The following TRAM2 variants were observed in gnomAD, a reference collection of about 807,000 sequenced individuals.
The protein encoded by TRAM2 is translocating chain-associated membrane protein 2.
In TRAM2, 12 loss-of-function variants were observed where a neutral mutation model predicts 51.0. That is an observed-to-expected ratio of 0.24 (90% CI 0.15 to 0.38). The LOEUF is 0.38. Ranked by LOEUF, TRAM2 falls within the 10% of genes least tolerant of loss-of-function variation. TRAM2 has a pLI of 1.00. For synonymous variants in TRAM2, 175 were observed against 179.4 expected, an observed-to-expected ratio of 0.98 and a Z score of 0.20; for missense variants, 361 against 462.0, an observed-to-expected ratio of 0.78 and a Z score of 2.00.
chr6:52,564,526 C>T (rs900357423), intron 1 of TRAM2, among the ~76,000 whole-genome samples: 3 of 152,132 alleles, frequency 2.0e-5, no homozygotes, highest in African/African-American at 7.2e-5. Context: ...CTGCCTGCCC[C>T]ATGCCCCTTG....
In TRAM2 at chr6:52,503,095, C is replaced by T. The variant is rs749707167; in HGVS notation, c.*102G>A. On this transcript the variant is annotated 3_prime_UTR_variant, in exon 11 of 11. Coordinates refer to ENST00000182527, the MANE Select transcript of TRAM2 (RefSeq NM_012288.4). ...CAAGACAGGTTTCGGCTGTTTGAGA[C>T]GGAGCATCACAGGCAGGAAGGAGGA... 18 of 994,146 alleles carry T rather than the reference C, an allele frequency of 1.8e-5. No individual in the cohort carries two copies. Among genetic ancestry groups the T allele is most frequent in the South Asian group, 3.9e-5 (3 of 77,404 alleles). The allele number at this position is 994,146 out of a possible 1,614,324, so 61.6% of individuals were successfully genotyped here. A position where few individuals can be genotyped will look rare whatever the true frequency, so the allele number is the denominator to read the frequency against.
At chr6:52,522,814 G>C in intron 2 of TRAM2, 1 of 676,564 alleles carries the variant, frequency 1.5e-6, no homozygotes. Flanking sequence ...CCCTTTTGGG[G>C]AGTCACATTC....
Position 52,499,427 on chromosome 6 carries a change from G to GA in TRAM2, c.*3769dup, listed in dbSNP as rs1335291591. ...TTCCCTACCTCTCACACCAGGCCTA[G>GA]AAAAACCAACTAGGAAGGCTGAAGC... On this transcript the variant is annotated 3_prime_UTR_variant, in exon 11 of 11. Coordinates refer to ENST00000182527, the MANE Select transcript of TRAM2 (RefSeq NM_012288.4). 1 of 152,160 alleles carries GA rather than the reference G, an allele frequency of 6.6e-6. No individual in the cohort carries two copies. The highest frequency in any genetic ancestry group is 6.5e-5 in the Admixed American group (1 of 15,278). 9.4% of individuals were successfully genotyped at this position (152,160 alleles called of 1,614,324 possible).
chr6:52,520,877 A>T (rs1766659169), intron 2 of TRAM2, among the ~76,000 whole-genome samples: 1 of 152,054 alleles, frequency 6.6e-6, no homozygotes, highest in South Asian at 2.1e-4. Flanking sequence ...CGCACAAATT[A>T]TCTCCATGGT....
At chr6:52,512,041 G>A (rs1766461398) in intron 4 of TRAM2, among the ~76,000 whole-genome samples, 1 of 152,136 alleles carries the variant, frequency 6.6e-6, no homozygotes, top group Non-Finnish European at 1.5e-5. Context: ...GCATACGCCT[G>A]CCTTCATCAG....
intron 1 of TRAM2, among the ~76,000 whole-genome samples, chr6:52,559,325 T>C (rs1767458676): frequency 6.6e-6 from 1 of 152,224 alleles, no homozygotes; most frequent in Non-Finnish European, 1.5e-5. Context: ...TTACTAGCTG[T>C]ATCATCTAGG....
At chr6:52,542,276 T>TTTA (rs1554265361) in intron 1 of TRAM2, among the ~76,000 whole-genome samples, 1 of 147,730 alleles carries the variant, frequency 6.8e-6, no homozygotes, top group African/African-American at 2.5e-5. Flanking sequence ...TTTTTTTTTT[T>TTTA]AAAAAAAATA....
intron 1 of TRAM2, among the ~76,000 whole-genome samples, chr6:52,560,988 A>C (rs1767488759): frequency 6.6e-6 from 1 of 152,200 alleles, no homozygotes; most frequent in African/African-American, 2.4e-5. Context: ...AAAGAGACAA[A>C]CGTCCATCAA....
chr6:52,545,612 C>G (rs772808881), intron 1 of TRAM2, among the ~76,000 whole-genome samples: 1 of 151,570 alleles, frequency 6.6e-6, no homozygotes, highest in African/African-American at 2.4e-5. Flanking sequence ...ACCCCACCCC[C>G]ACCTATTGCA....
chr6:52,518,768 A>T (rs1766606069), intron 2 of TRAM2, among the ~76,000 whole-genome samples: 1 of 152,240 alleles, frequency 6.6e-6, no homozygotes, highest in South Asian at 2.1e-4. Flanking sequence ...ATGTGACGCC[A>T]GGATTACATT....
intron 1 of TRAM2, among the ~76,000 whole-genome samples, chr6:52,539,922 A>G (rs1261312260): frequency 6.6e-6 from 1 of 152,150 alleles, no homozygotes; most frequent in Non-Finnish European, 1.5e-5. Flanking sequence ...TACTGTAAGC[A>G]GCTATAATAT....
intron 1 of TRAM2, among the ~76,000 whole-genome samples, chr6:52,545,949 A>C (rs1037677547): frequency 6.6e-6 from 1 of 152,160 alleles, no homozygotes; most frequent in Admixed American, 6.5e-5. Context: ...ACCACCGCTC[A>C]AATGTGCAGC....
intron 1 of TRAM2, among the ~76,000 whole-genome samples, chr6:52,554,535 A>AG (rs1178161390): frequency 1.9e-4 from 28 of 146,624 alleles, no homozygotes; most frequent in South Asian, 6.5e-4. Flanking sequence ...AAAAAAAAAA[A>AG]AAAGAAAGAA....
In TRAM2 at chr6:52,555,072, G is replaced by A. The variant is rs547980099; in HGVS notation, c.121-19226C>T. On this transcript the variant is annotated intron_variant, in intron 1 of 10. Transcript: ENST00000182527. Reference sequence around the variant, plus strand: ...GATGCTTTTGTATCCTTCTCTGACTGGTCTAATACCCTCACTTTCACCTTC... The same window carrying A: ...GATGCTTTTGTATCCTTCTCTGACTAGTCTAATACCCTCACTTTCACCTTC... Among the ~76,000 whole-genome samples the A allele has an allele frequency of 1.3e-4, 20 of 152,262 alleles. No homozygotes were observed. The South Asian group carries it at 4.1e-3, about 32-fold the overall frequency.
At chr6:52,547,258 G>C (rs1338717587) in intron 1 of TRAM2, among the ~76,000 whole-genome samples, 1 of 152,202 alleles carries the variant, frequency 6.6e-6, no homozygotes, top group African/African-American at 2.4e-5. Flanking sequence ...GCCTAGAGAG[G>C]ATGATCTCCT....
chr6:52,560,249 TAA>T (rs749424944), intron 1 of TRAM2, among the ~76,000 whole-genome samples: 7 of 127,728 alleles, frequency 5.5e-5, no homozygotes, highest in African/African-American at 8.5e-5. Flanking sequence ...CTGTCTCAAA[TAA>T]AAAAAAAAAA....
At chr6:52,568,746 T>C (rs1767629749) in intron 1 of TRAM2, among the ~76,000 whole-genome samples, 1 of 152,200 alleles carries the variant, frequency 6.6e-6, no homozygotes, top group South Asian at 2.1e-4. Context: ...CAGCCTCTTT[T>C]TAAAAGTCTC....
chr6:52,548,034 A>G (rs1165174815), intron 1 of TRAM2, among the ~76,000 whole-genome samples: 2 of 152,246 alleles, frequency 1.3e-5, no homozygotes, highest in African/African-American at 4.8e-5. Flanking sequence ...GCTGGCTGGT[A>G]AGGCACTTTC....
At chr6:52,552,563 T>A (rs1331268612) in intron 1 of TRAM2, among the ~76,000 whole-genome samples, 1 of 152,218 alleles carries the variant, frequency 6.6e-6, no homozygotes, top group African/African-American at 2.4e-5. Flanking sequence ...AGAGTTCTCA[T>A]GTTTTAAGGG....
Sources: gnomAD v4.1 joint callset for allele counts (sites outside exome capture counted in the v4.1 genomes callset) on GRCh38, gnomAD v4.1.1 for gene constraint, MANE v1.5 for transcripts, NCBI Gene and HGNC (gene_info 2026-07-23, HGNC 2026-07-21) for gene names.